ESRRG: variants seen among roughly 807,000 people sequenced by gnomAD.
The protein encoded by ESRRG is estrogen related receptor gamma, also known as estrogen-related receptor gamma.
Under a neutral mutation model 44.0 loss-of-function variants are expected in ESRRG, and 13 were observed. That is an observed-to-expected ratio of 0.30 (90% CI 0.19 to 0.47). The LOEUF is 0.47. Among genes scored for constraint, ESRRG ranks in the 20% least tolerant of loss-of-function variants. The pLI is 1.00. For synonymous variants in ESRRG, 215 were observed against 214.6 expected (o/e 1.00, Z -0.02); for missense variants, 395 against 580.6 (o/e 0.68, Z 3.29).
At chr1:216,632,752 G>C (rs773988387) in intron 3 of ESRRG, among the ~76,000 whole-genome samples, 1 of 151,446 alleles carries the variant, frequency 6.6e-6, no homozygotes, top group Non-Finnish European at 1.5e-5. Flanking sequence ...GTAAGAAAAG[G>C]CATCAAAGAA....
At chr1:216,752,903 T>A (rs1365267961) in intron 2 of ESRRG, among the ~76,000 whole-genome samples, 1 of 152,094 alleles carries the variant, frequency 6.6e-6, no homozygotes, top group Non-Finnish European at 1.5e-5. Flanking sequence ...AGTAAAATTG[T>A]TACAGTGATT....
At chr1:216,809,957 C>T (rs1196371233) in intron 2 of ESRRG, among the ~76,000 whole-genome samples, 1 of 152,066 alleles carries the variant, frequency 6.6e-6, no homozygotes, top group Non-Finnish European at 1.5e-5. Context: ...TTTTCTCTGA[C>T]ATCAATGAGA....
At chr1:217,096,418 C>T (rs1471895339) in intron 1 of ESRRG, among the ~76,000 whole-genome samples, 1 of 152,224 alleles carries the variant, frequency 6.6e-6, no homozygotes, top group Admixed American at 6.5e-5. Flanking sequence ...ATGGAAAGAA[C>T]ACTAAACTTA....
intron 1 of ESRRG, among the ~76,000 whole-genome samples, chr1:217,016,279 T>G (rs1360996508): frequency 6.6e-6 from 1 of 152,072 alleles, no homozygotes; most frequent in Non-Finnish European, 1.5e-5. Flanking sequence ...AAGTGCCATT[T>G]CCTTTTTTTT....
chr1:217,053,895 CA>C (rs565072377), intron 1 of ESRRG, among the ~76,000 whole-genome samples: 144 of 152,146 alleles, frequency 9.5e-4, no homozygotes, highest in African/African-American at 3.3e-3. Flanking sequence ...CCCAATGGCA[CA>C]AAGGCTCTTG....
At chr1:217,104,550 A>G (rs1043452843) in intron 1 of ESRRG, among the ~76,000 whole-genome samples, 4 of 152,196 alleles carry the variant, frequency 2.6e-5, no homozygotes, top group African/African-American at 7.2e-5. Context: ...GGCAATACAA[A>G]TGAAATCAAG....
At chr1:217,052,153 G>A (rs752469937) in intron 1 of ESRRG, among the ~76,000 whole-genome samples, 8 of 152,136 alleles carry the variant, frequency 5.3e-5, no homozygotes, top group Non-Finnish European at 1.0e-4. Context: ...TAAAGTACTC[G>A]ATCAGAATGA....
intron 2 of ESRRG, among the ~76,000 whole-genome samples, chr1:216,915,330 G>A (rs1404942394): frequency 6.6e-6 from 1 of 152,094 alleles, no homozygotes. Flanking sequence ...CCTCACCCTC[G>A]CATCTGTTGG....
intron 1 of ESRRG, among the ~76,000 whole-genome samples, chr1:216,981,718 CAT>C (rs1233832459): frequency 4.7e-5 from 7 of 150,520 alleles, no homozygotes; most frequent in East Asian, 2.0e-4. Context: ...CACACACACA[CAT>C]GCACACATAC....
chr1:216,597,999 T>C lies in ESRRG; in HGVS notation c.590-29901A>G, dbSNP rs557184270. 8.5e-5 allele frequency among the ~76,000 whole-genome samples: 13 copies of C among 152,304 alleles called. No homozygotes were observed. In the Middle Eastern group the frequency reaches 0.01, roughly 120 times the overall value. ...TCAACCCATATAGGCTTTTCCCTTC[T>C]TTATTGTTTCAGTGAATAATAATAA... On this transcript the variant is annotated intron_variant, in intron 3 of 6. Coordinates refer to ENST00000408911, the MANE Select transcript of ESRRG (RefSeq NM_001438.4).
chr1:217,037,996 G>A (rs1348024904), intron 1 of ESRRG, among the ~76,000 whole-genome samples: 1 of 152,176 alleles, frequency 6.6e-6, no homozygotes, highest in East Asian at 1.9e-4. Context: ...ATAGTCTTGG[G>A]CAGCTCTGCC....
rs530308952 is a variant in ESRRG at position 216,827,219 on chromosome 1, AT to A, written c.-14+112362del. Among the ~76,000 whole-genome samples, 318 of 152,316 alleles carry A rather than the reference AT, an allele frequency of 2.1e-3. 1 individual carries two copies. The highest frequency in any genetic ancestry group is 6.8e-3 in the African/African-American group (281 of 41,582). On this transcript the variant is annotated intron_variant, in intron 2 of 7. Transcript: ENST00000359162. The stretch of plus-strand genomic sequence containing the variant: ...TATGCATTATATTGTTACTAAAAGA[AT>A]TAGTTTAAAAATAACAGTGATATAC...
chr1:216,879,484 C>CAAAAAAA (rs755104959), intron 2 of ESRRG, among the ~76,000 whole-genome samples: 5 of 89,406 alleles, frequency 5.6e-5, no homozygotes, highest in Admixed American at 1.3e-4. Context: ...AAAAGGCCAC[C>CAAAAAAA]AAAAAAAAAA....
intron 2 of ESRRG, among the ~76,000 whole-genome samples, chr1:216,753,860 G>C (rs747917369): frequency 6.6e-6 from 1 of 151,892 alleles, no homozygotes; most frequent in African/African-American, 2.4e-5. Context: ...AAGAAGGACC[G>C]GGTGTGCATG....
At chr1:217,036,179 G>A (rs912229928) in intron 1 of ESRRG, among the ~76,000 whole-genome samples, 1 of 152,180 alleles carries the variant, frequency 6.6e-6, no homozygotes, top group Admixed American at 6.5e-5. Flanking sequence ...TAGTGAGGCT[G>A]TGGAGAAAAG....
At chr1:216,755,370 G>C (rs1051148740) in intron 2 of ESRRG, among the ~76,000 whole-genome samples, 2 of 151,714 alleles carry the variant, frequency 1.3e-5, no homozygotes, top group Non-Finnish European at 2.9e-5. Flanking sequence ...CTAGATCTTA[G>C]AGCCCCCCAA....
intron 2 of ESRRG, among the ~76,000 whole-genome samples, chr1:216,868,958 T>C (rs1026621232): frequency 6.6e-6 from 1 of 152,226 alleles, no homozygotes; most frequent in Non-Finnish European, 1.5e-5. Context: ...TTATTTACTC[T>C]TGTTATGAGA....
At chr1:216,744,891 G>A (rs1490156749) in intron 2 of ESRRG, among the ~76,000 whole-genome samples, 1 of 152,112 alleles carries the variant, frequency 6.6e-6, no homozygotes, top group Non-Finnish European at 1.5e-5. Flanking sequence ...CTCTGAGCAG[G>A]GTTTAACTTT....
intron 2 of ESRRG, among the ~76,000 whole-genome samples, chr1:216,673,764 A>G (rs571849493): frequency 1.6e-4 from 25 of 152,322 alleles, no homozygotes; most frequent in African/African-American, 6.0e-4. Flanking sequence ...TCTTTACAAA[A>G]CATACCGAAG....
Sources: gnomAD v4.1 joint callset for allele counts (sites outside exome capture counted in the v4.1 genomes callset) on GRCh38, gnomAD v4.1.1 for gene constraint, MANE v1.5 for transcripts, NCBI Gene and HGNC (gene_info 2026-07-23, HGNC 2026-07-21) for gene names.